The following ROR2 variants were observed in gnomAD, a reference collection of about 807,000 sequenced individuals.
ROR2 encodes ROR family WNT receptor 2, also known as tyrosine-protein kinase transmembrane receptor ROR2.
In ROR2, 33 loss-of-function variants were observed where a neutral mutation model predicts 74.9. That is an observed-to-expected ratio of 0.44 (90% CI 0.33 to 0.59). ROR2 has a LOEUF of 0.59. ROR2 is among the 20% of genes least tolerant of loss of function. ROR2 has a pLI of 0.02. For missense variants in ROR2, 1,216 were observed against 1,313.8 expected (o/e 0.93, Z 1.15); for synonymous variants, 586 against 558.7 (o/e 1.05, Z -0.69).
intron 7 of ROR2, among the ~76,000 whole-genome samples, chr9:91,729,949 AATG>A (rs1837175731): frequency 6.6e-6 from 1 of 152,132 alleles, no homozygotes; most frequent in South Asian, 2.1e-4. Flanking sequence ...ACTGAGCAAT[AATG>A]GTGTTTTTTG....
intron 1 of ROR2, among the ~76,000 whole-genome samples, chr9:91,899,814 G>A (rs1043454910): frequency 6.6e-6 from 1 of 151,890 alleles, no homozygotes; most frequent in Non-Finnish European, 1.5e-5. Context: ...TCACACGTAC[G>A]CACACGTACA....
At chr9:91,879,944 T>A (rs945958316) in intron 1 of ROR2, among the ~76,000 whole-genome samples, 1 of 151,938 alleles carries the variant, frequency 6.6e-6, no homozygotes, top group East Asian at 1.9e-4. Flanking sequence ...CAATACTAAG[T>A]TTTTCATCAC....
intron 4 of ROR2, among the ~76,000 whole-genome samples, chr9:91,748,333 G>T (rs1420908387): frequency 1.3e-5 from 2 of 151,824 alleles, no homozygotes; most frequent in South Asian, 4.1e-4. Flanking sequence ...ACAAGAAAAT[G>T]ATGAGTTGTC....
chr9:91,850,211 C>A (rs1163409963), intron 1 of ROR2, among the ~76,000 whole-genome samples: 1 of 152,066 alleles, frequency 6.6e-6, no homozygotes, highest in Non-Finnish European at 1.5e-5. Flanking sequence ...TTTCCCCATA[C>A]CCTCACCTTA....
intron 3 of ROR2, among the ~76,000 whole-genome samples, 189 bp downstream of exon 3, chr9:91,757,083 T>C (rs1825777094): frequency 6.6e-6 from 1 of 152,086 alleles, no homozygotes; most frequent in Non-Finnish European, 1.5e-5. Flanking sequence ...TTTTCTCTTA[T>C]TACTAGTAAA....
At chr9:91,844,574 G>C (rs1352804064) in intron 1 of ROR2, among the ~76,000 whole-genome samples, 1 of 152,182 alleles carries the variant, frequency 6.6e-6, no homozygotes, top group Non-Finnish European at 1.5e-5. Context: ...TCCACTGTAC[G>C]ATATTCTTAG....
intron 1 of ROR2, among the ~76,000 whole-genome samples, chr9:91,924,814 G>A (rs1160678296): frequency 1.3e-5 from 2 of 151,934 alleles, no homozygotes; most frequent in African/African-American, 2.4e-5. Context: ...CAACAGACGC[G>A]GGGCAGGCCC....
intron 2 of ROR2, among the ~76,000 whole-genome samples, chr9:91,775,386 G>A (rs1826384809): frequency 6.6e-6 from 1 of 152,158 alleles, no homozygotes; most frequent in South Asian, 2.1e-4. Flanking sequence ...CAGGTGGCTG[G>A]GAGGAGGAGG....
At chr9:91,948,133 C>A (rs1174475403) in intron 1 of ROR2, among the ~76,000 whole-genome samples, 6 of 152,192 alleles carry the variant, frequency 3.9e-5, no homozygotes, top group African/African-American at 1.4e-4. Flanking sequence ...TTTCCTGTTA[C>A]AACCACCTTG....
At chr9:91,784,268 G>A (rs542705635) in intron 1 of ROR2, among the ~76,000 whole-genome samples, 4 of 152,232 alleles carry the variant, frequency 2.6e-5, no homozygotes, top group Non-Finnish European at 4.4e-5. Flanking sequence ...ACGAAATGCT[G>A]TTTGCTCTAT....
At chr9:91,860,864 C>A (rs1052391539) in intron 1 of ROR2, among the ~76,000 whole-genome samples, 1 of 152,224 alleles carries the variant, frequency 6.6e-6, no homozygotes, top group African/African-American at 2.4e-5. Flanking sequence ...CTCTACCATT[C>A]TCTAGGTACT....
intron 1 of ROR2, among the ~76,000 whole-genome samples, chr9:91,912,960 C>A (rs955962595): frequency 2.1e-4 from 32 of 152,148 alleles, no homozygotes; most frequent in Middle Eastern, 3.2e-3. Flanking sequence ...GAAACCCTGT[C>A]TCTACTAAAA....
At chr9:91,827,586 A>C (rs1281366086) in intron 1 of ROR2, among the ~76,000 whole-genome samples, 1 of 152,164 alleles carries the variant, frequency 6.6e-6, no homozygotes, top group Admixed American at 6.6e-5. Context: ...GATTCCTAGA[A>C]GTGAAAGTAC....
At chr9:91,763,461 T>C (rs1281438670) in intron 2 of ROR2, among the ~76,000 whole-genome samples, 2 of 152,244 alleles carry the variant, frequency 1.3e-5, no homozygotes, top group Non-Finnish European at 2.9e-5. Flanking sequence ...AGTGCTTCCC[T>C]ACAGCTGTGC....
intron 2 of ROR2, among the ~76,000 whole-genome samples, chr9:91,761,419 C>T (rs79629163): frequency 0.027 from 4,067 of 152,178 alleles, 174 homozygotes; most frequent in African/African-American, 0.093. Flanking sequence ...CTAGTAGTCC[C>T]GTCTGGGAGT....
intron 1 of ROR2, among the ~76,000 whole-genome samples, chr9:91,809,002 C>CA (rs59202463): frequency 1.4e-3 from 200 of 138,952 alleles, no homozygotes; most frequent in South Asian, 6.2e-3. Context: ...GACTCCATCT[C>CA]AAAAAAAAAA....
chr9:91,725,075 C>T lies in ROR2; in HGVS notation c.1419G>A (p.Val473=). ...CCTCTCCCAGCTCCTCCATGAACCT[C>T]ACCGCAGACAGGCTGATCTCTTTGA... ...AKLKEISLSA[V]RFMEELGEDR... The change falls in exon 9 of 9, where the codon GTG becomes GTA. Residue 473 remains valine, a synonymous_variant. Transcript: ENST00000375708. 1 of 1,614,088 alleles carries T rather than the reference C, an allele frequency of 6.2e-7. No homozygotes were observed. The highest frequency in any genetic ancestry group is 8.5e-7 in the Non-Finnish European group (1 of 1,180,048).
chr9:91,775,097 C>A (rs1826375830), intron 2 of ROR2, among the ~76,000 whole-genome samples: 1 of 152,208 alleles, frequency 6.6e-6, no homozygotes, highest in East Asian at 1.9e-4. Flanking sequence ...TCTTGGACCT[C>A]CAGCCTCCAG....
At chr9:91,848,532 G>C (rs1486024810) in intron 1 of ROR2, among the ~76,000 whole-genome samples, 1 of 152,160 alleles carries the variant, frequency 6.6e-6, no homozygotes, top group East Asian at 1.9e-4. Context: ...AGGCCGAGTT[G>C]GGTGGATCAC....
Sources: gnomAD v4.1 joint callset for allele counts (sites outside exome capture counted in the v4.1 genomes callset) on GRCh38, gnomAD v4.1.1 for gene constraint, MANE v1.5 for transcripts, NCBI Gene and HGNC (gene_info 2026-07-23, HGNC 2026-07-21) for gene names.